ARHGEF38: variants seen among roughly 807,000 people sequenced by gnomAD.
ARHGEF38 encodes the protein Rho guanine nucleotide exchange factor (GEF) 38.
ARHGEF38 carries 79 observed loss-of-function variants against 79.9 expected under a neutral mutation model. The observed-to-expected ratio is 0.99, with a 90% CI of 0.82 to 1.19. ARHGEF38 has a LOEUF of 1.19. ARHGEF38 is among the 50% of genes most tolerant of loss of function. ARHGEF38 has a pLI of 0.00. For synonymous variants in ARHGEF38, 366 were observed against 328.3 expected, an observed-to-expected ratio of 1.11 and a Z score of -1.24; for missense variants, 962 against 907.2, an observed-to-expected ratio of 1.06 and a Z score of -0.78.
chr4:105,574,155 AAC>A (rs1182304780), intron 1 of ARHGEF38, among the ~76,000 whole-genome samples: 2 of 152,172 alleles, frequency 1.3e-5, no homozygotes, highest in Non-Finnish European at 2.9e-5. Context: ...ATAATTTTAG[AAC>A]AGAGAGAATT....
At chr4:105,669,819 G>A (rs1456192485) in intron 13 of ARHGEF38, among the ~76,000 whole-genome samples, 2 of 151,778 alleles carry the variant, frequency 1.3e-5, no homozygotes, top group East Asian at 3.9e-4. Flanking sequence ...CTAACCCCAG[G>A]GAACCACTAA....
intron 4 of ARHGEF38, among the ~76,000 whole-genome samples, chr4:105,633,605 C>T (rs560821181): frequency 3.3e-5 from 5 of 152,172 alleles, no homozygotes; most frequent in African/African-American, 1.2e-4. Flanking sequence ...AAGCAATATC[C>T]ACGAGAGAGG....
At chr4:105,677,678 C>T in intron 13 of ARHGEF38, 74 bp from the exon 14 acceptor site, 1 of 1,293,612 alleles carries the variant, frequency 7.7e-7, no homozygotes, top group Non-Finnish European at 1.0e-6. Context: ...CTTCTAAAAG[C>T]TTGGAAACTT....
Position 105,552,718 on chromosome 4 carries a change from A to G in ARHGEF38, c.-48A>G, listed in dbSNP as rs755925399. On this transcript the variant is annotated 5_prime_UTR_variant, in exon 1 of 14. Transcript: ENST00000420470. ...TTTAACCCTCACCCTGAGGCACCTTAGCAATCAGCCATTGCCTGCAAGCCT... is the reference window on the plus strand; with the variant it reads ...TTTAACCCTCACCCTGAGGCACCTTGGCAATCAGCCATTGCCTGCAAGCCT... 6.7e-7 allele frequency: 1 copy of G among 1,492,604 alleles called. No homozygotes were observed. The highest frequency in any genetic ancestry group is 9.1e-7 in the Non-Finnish European group (1 of 1,096,586). 92.5% of individuals were successfully genotyped at this position (1,492,604 alleles called of 1,614,324 possible). A position where few individuals can be genotyped will look rare whatever the true frequency, so the allele number is the denominator to read the frequency against.
At chr4:105,581,455 C>G (rs900989983) in intron 1 of ARHGEF38, among the ~76,000 whole-genome samples, 1 of 152,136 alleles carries the variant, frequency 6.6e-6, no homozygotes, top group African/African-American at 2.4e-5. Context: ...TCAACATCTC[C>G]TAACCTCTCT....
At chr4:105,569,710 T>C (rs1726122295) in intron 1 of ARHGEF38, among the ~76,000 whole-genome samples, 1 of 152,186 alleles carries the variant, frequency 6.6e-6, no homozygotes, top group African/African-American at 2.4e-5. Flanking sequence ...TTCAGTGGTG[T>C]GACCTTGGGC....
At chr4:105,664,738 G>A (rs1398270580) in intron 10 of ARHGEF38, among the ~76,000 whole-genome samples, 1 of 152,190 alleles carries the variant, frequency 6.6e-6, no homozygotes, top group African/African-American at 2.4e-5. Context: ...GGCAGGCATA[G>A]GGGTTTGGGG....
intron 2 of ARHGEF38, among the ~76,000 whole-genome samples, chr4:105,601,372 A>G (rs1476108376): frequency 6.6e-6 from 1 of 152,096 alleles, no homozygotes; most frequent in African/African-American, 2.4e-5. Context: ...CACCACCTCA[A>G]TCTATCTTAG....
chr4:105,635,460 C>A (rs894684723), intron 4 of ARHGEF38, among the ~76,000 whole-genome samples: 6 of 151,854 alleles, frequency 4.0e-5, no homozygotes, highest in Admixed American at 2.6e-4. Context: ...AAAAAAACCC[C>A]ATGTTTTCTG....
intron 2 of ARHGEF38, among the ~76,000 whole-genome samples, chr4:105,597,627 T>C (rs768559097): frequency 6.6e-6 from 1 of 152,228 alleles, no homozygotes; most frequent in Non-Finnish European, 1.5e-5. Flanking sequence ...GAAATTGCCC[T>C]GAACTCAGTG....
chr4:105,638,709 T>C (rs952361469), intron 5 of ARHGEF38, among the ~76,000 whole-genome samples: 2 of 143,894 alleles, frequency 1.4e-5, no homozygotes, highest in African/African-American at 5.7e-5. Context: ...ACACTATACG[T>C]TTCTTGTATG....
At chr4:105,566,717 C>T (rs1430303129) in intron 1 of ARHGEF38, among the ~76,000 whole-genome samples, 1 of 151,566 alleles carries the variant, frequency 6.6e-6, no homozygotes, top group Non-Finnish European at 1.5e-5. Context: ...TCCACTACAT[C>T]CTCCAGACTA....
At chr4:105,646,736 G>A (rs1057005118) in intron 6 of ARHGEF38, among the ~76,000 whole-genome samples, 1 of 151,794 alleles carries the variant, frequency 6.6e-6, no homozygotes, top group Admixed American at 6.6e-5. Context: ...TGGATAAACT[G>A]CATATTATAC....
intron 5 of ARHGEF38, among the ~76,000 whole-genome samples, chr4:105,644,446 A>G (rs1729753028): frequency 6.6e-6 from 1 of 152,176 alleles, no homozygotes; most frequent in South Asian, 2.1e-4. Flanking sequence ...CCAAGCTTGT[A>G]GCTTCTTCCC....
chr4:105,580,196 G>T (rs2110438416), intron 1 of ARHGEF38, among the ~76,000 whole-genome samples: 1 of 152,168 alleles, frequency 6.6e-6, no homozygotes, highest in Non-Finnish European at 1.5e-5. Context: ...TCTTTTGAAT[G>T]GTTTTCATGT....
At chr4:105,650,412 C>A (rs1287020452) in intron 7 of ARHGEF38, among the ~76,000 whole-genome samples, 2 of 152,150 alleles carry the variant, frequency 1.3e-5, no homozygotes, top group African/African-American at 4.8e-5. Flanking sequence ...ATCTCCCCTG[C>A]CCTAAATCAT....
intron 3 of ARHGEF38, among the ~76,000 whole-genome samples, chr4:105,614,485 G>C (rs1728436227): frequency 1.3e-5 from 2 of 152,048 alleles, no homozygotes; most frequent in Non-Finnish European, 2.9e-5. Context: ...ATTTGTTAGA[G>C]TTATAAAAAT....
intron 3 of ARHGEF38, among the ~76,000 whole-genome samples, chr4:105,625,556 G>T (rs1033478040): frequency 2.6e-5 from 4 of 152,206 alleles, no homozygotes; most frequent in Non-Finnish European, 4.4e-5. Flanking sequence ...CATGGACAAG[G>T]TAAAGGTATT....
chr4:105,658,650 C>A (rs190853075), intron 9 of ARHGEF38, among the ~76,000 whole-genome samples: 1 of 152,132 alleles, frequency 6.6e-6, no homozygotes, highest in Admixed American at 6.6e-5. Flanking sequence ...ATCTTTTACA[C>A]AGTCTTGGTA....
Sources: allele counts gnomAD v4.1 joint callset (sites outside exome capture counted in the v4.1 genomes callset), GRCh38; gene constraint gnomAD v4.1.1; transcripts MANE v1.5; gene names NCBI Gene and HGNC (gene_info 2026-07-23, HGNC 2026-07-21).